LNP1: variants seen among roughly 807,000 people sequenced by gnomAD.
The protein encoded by LNP1 is leukemia NUP98 fusion partner 1.
Under a neutral mutation model 14.5 loss-of-function variants are expected in LNP1, and 12 were observed. That is an observed-to-expected ratio of 0.83 (90% CI 0.53 to 1.34). LNP1 has a LOEUF of 1.34. Among genes scored for constraint, LNP1 ranks in the 40% most tolerant of loss-of-function variants. LNP1 has a pLI of 0.00. For synonymous variants in LNP1, 75 were observed against 71.4 expected, an observed-to-expected ratio of 1.05 and a Z score of -0.26; for missense variants, 198 against 210.9, an observed-to-expected ratio of 0.94 and a Z score of 0.38.
At chr3:100,423,172 A>C (rs1381320414) in intron 1 of LNP1, among the ~76,000 whole-genome samples, 3 of 152,220 alleles carry the variant, frequency 2.0e-5, no homozygotes, top group Non-Finnish European at 2.9e-5. Flanking sequence ...ACCGTTAAAA[A>C]GAAAAAAAGA....
At chr3:100,445,006 C>A (rs891603712) in intron 2 of LNP1, among the ~76,000 whole-genome samples, 2 of 152,208 alleles carry the variant, frequency 1.3e-5, no homozygotes, top group African/African-American at 4.8e-5. Flanking sequence ...GGTGCAGTGG[C>A]TCATGCCTGT....
chr3:100,417,427 A>T (rs1191792101), intron 1 of LNP1, among the ~76,000 whole-genome samples: 1 of 111,350 alleles, frequency 9.0e-6, no homozygotes, highest in Non-Finnish European at 1.6e-5. Flanking sequence ...CCCAGACTGT[A>T]GTGCACTGGT....
At chr3:100,449,389 A>AT (rs952455708) in intron 2 of LNP1, among the ~76,000 whole-genome samples, 25 of 152,356 alleles carry the variant, frequency 1.6e-4, no homozygotes, top group African/African-American at 5.8e-4. Flanking sequence ...AAAAGCTGAG[A>AT]TAAACTTGTC....
chr3:100,428,398 G>C (rs1707213681), intron 1 of LNP1, among the ~76,000 whole-genome samples: 1 of 152,036 alleles, frequency 6.6e-6, no homozygotes, highest in Non-Finnish European at 1.5e-5. Context: ...TGGGCTTGGT[G>C]GTGGGTGCCC....
chr3:100,431,530 A>G (rs1168025553), intron 2 of LNP1, among the ~76,000 whole-genome samples: 1 of 152,198 alleles, frequency 6.6e-6, no homozygotes, highest in Non-Finnish European at 1.5e-5. Context: ...ACTGAATAGA[A>G]TGGAGAAACA....
intron 2 of LNP1, among the ~76,000 whole-genome samples, chr3:100,450,264 G>T (rs929996694): frequency 1.3e-5 from 2 of 151,032 alleles, no homozygotes; most frequent in Non-Finnish European, 2.9e-5. Context: ...ACAGTTAAAC[G>T]ATGGCACAAC....
intron 2 of LNP1, among the ~76,000 whole-genome samples, chr3:100,447,560 G>C (rs1707399960): frequency 6.6e-6 from 1 of 151,738 alleles, no homozygotes; most frequent in Non-Finnish European, 1.5e-5. Flanking sequence ...TATCAAACCT[G>C]CATGTTGTGC....
intron 2 of LNP1, among the ~76,000 whole-genome samples, chr3:100,433,234 A>G (rs937909474): frequency 3.9e-5 from 6 of 152,080 alleles, no homozygotes; most frequent in African/African-American, 1.2e-4. Flanking sequence ...ACCCTCTGAT[A>G]GGCCCCAGTG....
chr3:100,404,848 A>C (rs989284710), intron 1 of LNP1, among the ~76,000 whole-genome samples: 2 of 142,820 alleles, frequency 1.4e-5, no homozygotes, highest in African/African-American at 5.4e-5. Context: ...GCTGGAGTGC[A>C]GTGGTGTGAT....
At chr3:100,415,475 T>A (rs1217530215) in intron 1 of LNP1, among the ~76,000 whole-genome samples, 3 of 152,224 alleles carry the variant, frequency 2.0e-5, no homozygotes, top group African/African-American at 7.2e-5. Flanking sequence ...AGTTTTTAAA[T>A]CCAGCAGTAC....
At chr3:100,416,114 A>T (rs146310170) in intron 1 of LNP1, among the ~76,000 whole-genome samples, 1,695 of 152,340 alleles carry the variant, frequency 0.011, 26 homozygotes, top group African/African-American at 0.039. Flanking sequence ...GTCTCTCTGT[A>T]ATATAAGCAG....
chr3:100,449,942 C>T (rs1048707218), intron 2 of LNP1, among the ~76,000 whole-genome samples: 23 of 152,146 alleles, frequency 1.5e-4, no homozygotes, highest in East Asian at 5.8e-4. Flanking sequence ...AACTGCAATG[C>T]GGGGTGACAG....
intron 2 of LNP1, among the ~76,000 whole-genome samples, chr3:100,431,440 T>G (rs1265332431): frequency 6.6e-6 from 1 of 152,196 alleles, no homozygotes; most frequent in East Asian, 1.9e-4. Flanking sequence ...GTTTAGATTC[T>G]CTGAGTCAGC....
chr3:100,402,808 A>G (rs1576222711), intron 1 of LNP1, among the ~76,000 whole-genome samples: 1 of 152,172 alleles, frequency 6.6e-6, no homozygotes, highest in Admixed American at 6.5e-5. Context: ...TTAAACTCCA[A>G]AAGTTACAGA....
Position 100,436,338 on chromosome 3 carries a change from C to A in LNP1, c.156+6453C>A, listed in dbSNP as rs563688488. Among the ~76,000 whole-genome samples, 40 of 152,248 alleles carry A rather than the reference C, an allele frequency of 2.6e-4. No homozygotes were observed. The East Asian group carries it at 7.0e-3, about 26-fold the overall frequency. ...AGGGAGTACAACGAGGTGCATCTGA[C>A]CTCCCATCCCGTCATGGCTCAGAAC... On this transcript the variant is annotated intron_variant, in intron 2 of 3. Coordinates refer to ENST00000383693, the MANE Select transcript of LNP1 (RefSeq NM_001085451.2).
chr3:100,454,485 T>C (rs1029978103), intron 3 of LNP1, among the ~76,000 whole-genome samples: 1 of 152,202 alleles, frequency 6.6e-6, no homozygotes, highest in African/African-American at 2.4e-5. Flanking sequence ...GGGGACCAAA[T>C]GTATACTAAT....
intron 1 of LNP1, among the ~76,000 whole-genome samples, chr3:100,408,896 C>G (rs1037544540): frequency 2.6e-5 from 4 of 152,184 alleles, no homozygotes; most frequent in African/African-American, 9.7e-5. Flanking sequence ...TATGCTATAA[C>G]CAGGTGCTAT....
intron 2 of LNP1, among the ~76,000 whole-genome samples, chr3:100,450,450 C>T (rs1469644871): frequency 1.3e-5 from 2 of 151,922 alleles, no homozygotes; most frequent in African/African-American, 2.4e-5. Flanking sequence ...TCTCCTGCCT[C>T]AGCCTCCCGG....
At chr3:100,422,426 G>A (rs1037502189) in intron 1 of LNP1, among the ~76,000 whole-genome samples, 13 of 151,960 alleles carry the variant, frequency 8.6e-5, no homozygotes, top group African/African-American at 3.1e-4. Context: ...CTTGTGATCC[G>A]CCTGCCTCAG....
Sources: gnomAD v4.1 joint callset for allele counts (sites outside exome capture counted in the v4.1 genomes callset) on GRCh38, gnomAD v4.1.1 for gene constraint, MANE v1.5 for transcripts, NCBI Gene and HGNC (gene_info 2026-07-23, HGNC 2026-07-21) for gene names.